The following PTPRD variants were observed in gnomAD, a reference collection of about 807,000 sequenced individuals.
PTPRD encodes protein tyrosine phosphatase receptor type D.
PTPRD carries 34 observed loss-of-function variants against 214.5 expected under a neutral mutation model. The observed-to-expected ratio is 0.16, with a 90% CI of 0.12 to 0.21. The LOEUF (loss-of-function observed/expected upper bound fraction) is 0.21, where lower values mean the gene tolerates loss of function less well. Ranked by LOEUF, PTPRD falls within the 10% of genes least tolerant of loss-of-function variation. PTPRD has a pLI of 1.00. For missense variants in PTPRD, 2,545 were observed against 2,398.7 expected (o/e 1.06, Z -1.27); for synonymous variants, 1,128 against 845.7 (o/e 1.33, Z -5.79).
intron 2 of PTPRD, among the ~76,000 whole-genome samples, chr9:10,440,285 A>G (rs1228676327): frequency 6.6e-6 from 1 of 151,798 alleles, no homozygotes; most frequent in Non-Finnish European, 1.5e-5. Flanking sequence ...GATTGCAAAA[A>G]GTTTATTTTT....
In PTPRD at chr9:8,441,928, C is replaced by T. The variant is rs543830490; in HGVS notation, c.3989-5239G>A. Among the ~76,000 whole-genome samples, 7 of 151,138 alleles carry T rather than the reference C, an allele frequency of 4.6e-5. No individual in the cohort carries two copies. In the South Asian group the frequency reaches 1.3e-3, roughly 28 times the overall value. On this transcript the variant is annotated intron_variant, in intron 34 of 45. Transcript: ENST00000381196. ...TTTCCAACCATTTAACACCCCTGGA[C>T]AAGTGGTGACATGTACATAAAGCTG...
At chr9:10,597,946 T>A (rs1344177708) in intron 2 of PTPRD, among the ~76,000 whole-genome samples, 2 of 151,784 alleles carry the variant, frequency 1.3e-5, no homozygotes, top group Non-Finnish European at 2.9e-5. Flanking sequence ...ATAAAAACTC[T>A]TTGCTGGGAA....
chr9:10,340,597 T>C (rs920068289), intron 3 of PTPRD, among the ~76,000 whole-genome samples: 1 of 151,910 alleles, frequency 6.6e-6, no homozygotes, highest in Admixed American at 6.6e-5. Flanking sequence ...CTACCAACCA[T>C]CCTAGAGCCT....
intron 10 of PTPRD, among the ~76,000 whole-genome samples, chr9:9,154,626 G>A (rs979045356): frequency 1.3e-5 from 2 of 152,070 alleles, no homozygotes; most frequent in Admixed American, 6.6e-5. Flanking sequence ...AACTTCAGTC[G>A]ATAGTAGTTA....
chr9:9,755,410 G>A lies in PTPRD; in HGVS notation c.-326+11400C>T, dbSNP rs540279893. 3.9e-4 allele frequency among the ~76,000 whole-genome samples: 59 copies of A among 152,132 alleles called. No homozygotes were observed. In the South Asian group the frequency reaches 7.7e-3, roughly 20 times the overall value. ...GCTTCAGTTTGTTGTCTGTTACCAC[G>A]GTTTAAGGGTAGATTGTATTTTTGG... is the stretch of plus-strand genomic sequence containing the variant. On this transcript the variant is annotated intron_variant, in intron 6 of 45. Coordinates refer to ENST00000381196, the MANE Select transcript of PTPRD (RefSeq NM_002839.4).
intron 7 of PTPRD, among the ~76,000 whole-genome samples, chr9:9,731,068 A>G (rs942868276): frequency 2.0e-5 from 3 of 152,188 alleles, no homozygotes; most frequent in South Asian, 4.1e-4. Flanking sequence ...ACCTTATTTA[A>G]GTGAAAAAAT....
chr9:9,422,763 G>A (rs1162447322), intron 8 of PTPRD, among the ~76,000 whole-genome samples: 3 of 152,174 alleles, frequency 2.0e-5, no homozygotes, highest in African/African-American at 4.8e-5. Context: ...CGAGAGAAGA[G>A]AGGAACCCAG....
chr9:10,562,231 G>C (rs990175127), intron 2 of PTPRD, among the ~76,000 whole-genome samples: 11 of 151,902 alleles, frequency 7.2e-5, no homozygotes, highest in African/African-American at 2.7e-4. Flanking sequence ...TATGTACTAT[G>C]ACCACTTCTC....
chr9:9,819,693 T>A (rs570871178), intron 5 of PTPRD, among the ~76,000 whole-genome samples: 2 of 152,198 alleles, frequency 1.3e-5, no homozygotes, highest in East Asian at 3.9e-4. Context: ...GTCCCCAGAT[T>A]CTATTGTTGC....
chr9:9,650,787 A>G (rs2096320918), intron 7 of PTPRD, among the ~76,000 whole-genome samples: 1 of 152,186 alleles, frequency 6.6e-6, no homozygotes, highest in African/African-American at 2.4e-5. Context: ...AAGTGAAAAA[A>G]AAATCTTCAG....
intron 2 of PTPRD, among the ~76,000 whole-genome samples, chr9:10,599,300 G>C (rs1436371248): frequency 6.6e-6 from 1 of 151,720 alleles, no homozygotes; most frequent in Non-Finnish European, 1.5e-5. Context: ...GTTATTATCT[G>C]AGTATGATGA....
At chr9:9,312,066 T>C (rs1337569928) in intron 9 of PTPRD, among the ~76,000 whole-genome samples, 1 of 152,190 alleles carries the variant, frequency 6.6e-6, no homozygotes, top group East Asian at 1.9e-4. Context: ...TGTTTTCAAA[T>C]TAAAAATTTT....
chr9:10,346,930 G>T (rs1255220350), intron 2 of PTPRD, among the ~76,000 whole-genome samples: 1 of 151,988 alleles, frequency 6.6e-6, no homozygotes, highest in African/African-American at 2.4e-5. Flanking sequence ...TTGCAATAAA[G>T]AATTATAGTT....
intron 10 of PTPRD, among the ~76,000 whole-genome samples, chr9:9,070,737 G>T (rs1341048869): frequency 1.3e-5 from 2 of 152,134 alleles, no homozygotes; most frequent in Non-Finnish European, 2.9e-5. Context: ...GCATTGTATG[G>T]AAATCTTAAT....
At chr9:8,731,497 A>G (rs947198659) in intron 12 of PTPRD, among the ~76,000 whole-genome samples, 1 of 152,238 alleles carries the variant, frequency 6.6e-6, no homozygotes, top group Non-Finnish European at 1.5e-5. Context: ...ATCTTTATAT[A>G]TGATAGTGAA....
At chr9:10,297,611 T>C (rs2095719625) in intron 3 of PTPRD, among the ~76,000 whole-genome samples, 1 of 151,692 alleles carries the variant, frequency 6.6e-6, no homozygotes, top group South Asian at 2.1e-4. Context: ...AATATGCAAG[T>C]TGCTGGTGTA....
chr9:10,539,968 ATTC>A (rs1185694624), intron 2 of PTPRD, among the ~76,000 whole-genome samples: 1 of 152,202 alleles, frequency 6.6e-6, no homozygotes, highest in Non-Finnish European at 1.5e-5. Flanking sequence ...CTTCTCTGGA[ATTC>A]TTCTTTGTAT....
chr9:10,512,987 C>A (rs2048804584), intron 2 of PTPRD, among the ~76,000 whole-genome samples: 1 of 151,926 alleles, frequency 6.6e-6, no homozygotes, highest in Non-Finnish European at 1.5e-5. Context: ...AATGAAAGAA[C>A]TACCAGTTTG....
At chr9:10,272,373 T>C (rs1405485259) in intron 3 of PTPRD, among the ~76,000 whole-genome samples, 1 of 152,254 alleles carries the variant, frequency 6.6e-6, no homozygotes. Context: ...GAGTTATTTC[T>C]ACTTTTTGAC....
Sources: allele counts gnomAD v4.1 joint callset (sites outside exome capture counted in the v4.1 genomes callset), GRCh38; gene constraint gnomAD v4.1.1; transcripts MANE v1.5; gene names NCBI Gene and HGNC (gene_info 2026-07-23, HGNC 2026-07-21).